The following ANKS1B variants were observed in gnomAD, a reference collection of about 807,000 sequenced individuals.
The protein encoded by ANKS1B is ankyrin repeat and sterile alpha motif domain-containing protein 1B.
In ANKS1B, 36 loss-of-function variants were observed where a neutral mutation model predicts 148.3. The ratio of observed to expected loss-of-function variants is 0.24; its 90% confidence interval spans 0.19 to 0.32. The LOEUF (loss-of-function observed/expected upper bound fraction) is 0.32, where lower values mean the gene tolerates loss of function less well. ANKS1B is among the 10% of genes least tolerant of loss of function. ANKS1B has a pLI of 1.00. For missense variants in ANKS1B, 1,157 were observed against 1,542.6 expected (o/e 0.75, Z 4.19); for synonymous variants, 542 against 560.8 (o/e 0.97, Z 0.47).
At chr12:99,463,997 T>TCCCTGAC (rs1219282308) in intron 10 of ANKS1B, among the ~76,000 whole-genome samples, 7 of 152,076 alleles carry the variant, frequency 4.6e-5, no homozygotes, top group Non-Finnish European at 1.0e-4. Flanking sequence ...CCCAAGTGGG[T>TCCCTGAC]CCCTGACCCC....
rs888889503 is a variant in ANKS1B, at chr12:99,806,764, A to G, written c.373-64T>C. ...TTCAATTTGTTATCAAAATCTTAAC[A>G]CAGTAATTTAAAACCTGCAATGCTT... On this transcript the variant is annotated intron_variant, in intron 3 of 26. Transcript: ENST00000683438. 1.0e-5 allele frequency: 15 copies of G among 1,472,084 alleles called. No individual in the cohort carries two copies. The African/African-American group carries it at 1.7e-4, about 16-fold the overall frequency. 91.2% of individuals were successfully genotyped at this position (1,472,084 alleles called of 1,614,324 possible). A position where few individuals can be genotyped will look rare whatever the true frequency, so the allele number is the denominator to read the frequency against.
At chr12:98,920,271 G>C (rs1282625620) in intron 17 of ANKS1B, among the ~76,000 whole-genome samples, 5 of 152,232 alleles carry the variant, frequency 3.3e-5, no homozygotes, top group Admixed American at 3.3e-4. Context: ...TGGGCACCTT[G>C]ATCTGGATCA....
At chr12:99,933,812 G>A (rs964789224) in intron 1 of ANKS1B, among the ~76,000 whole-genome samples, 2 of 151,992 alleles carry the variant, frequency 1.3e-5, no homozygotes, top group African/African-American at 4.8e-5. Context: ...TCTTTGTCTT[G>A]TTCTAGATTT....
At chr12:99,235,544 A>T (rs1240187120) in intron 14 of ANKS1B, among the ~76,000 whole-genome samples, 5 of 152,184 alleles carry the variant, frequency 3.3e-5, no homozygotes, top group Non-Finnish European at 5.9e-5. Flanking sequence ...GGCCTGAAAG[A>T]ATTACGTGGC....
intron 25 of ANKS1B, among the ~76,000 whole-genome samples, chr12:98,768,720 C>G (rs1417742637): frequency 7.2e-6 from 1 of 138,364 alleles, no homozygotes; most frequent in Non-Finnish European, 1.5e-5. Flanking sequence ...GGCGACAGAG[C>G]GAGACTCCAT....
intron 1 of ANKS1B, among the ~76,000 whole-genome samples, chr12:99,926,528 G>C (rs1363623916): frequency 6.6e-6 from 1 of 152,158 alleles, no homozygotes; most frequent in African/African-American, 2.4e-5. Context: ...TGAAACATCA[G>C]CTCTTCCTGG....
intron 8 of ANKS1B, among the ~76,000 whole-genome samples, chr12:99,673,826 GGTT>G (rs1158402330): frequency 6.6e-6 from 1 of 151,382 alleles, no homozygotes; most frequent in African/African-American, 2.4e-5. Context: ...TATAGAATAT[GGTT>G]ATTAATATGG....
chr12:99,401,137 C>G (rs1338872325), intron 11 of ANKS1B, among the ~76,000 whole-genome samples: 1 of 146,024 alleles, frequency 6.8e-6, no homozygotes, highest in East Asian at 1.9e-4. Context: ...TATGACACAT[C>G]AACTCAGTAA....
chr12:99,395,765 C>T (rs1329618850), intron 12 of ANKS1B, among the ~76,000 whole-genome samples: 2 of 152,034 alleles, frequency 1.3e-5, no homozygotes, highest in Non-Finnish European at 1.5e-5. Context: ...TTTTAAATGG[C>T]CCTCTGTTAT....
chr12:98,963,423 C>G (rs560323482), intron 17 of ANKS1B, among the ~76,000 whole-genome samples: 2 of 152,260 alleles, frequency 1.3e-5, no homozygotes, highest in African/African-American at 4.8e-5. Context: ...AGTGAGCCAC[C>G]TGCTATGGCC....
At chr12:99,716,630 T>C (rs917631267) in intron 8 of ANKS1B, among the ~76,000 whole-genome samples, 1 of 152,128 alleles carries the variant, frequency 6.6e-6, no homozygotes, top group East Asian at 1.9e-4. Flanking sequence ...CTACGAGATC[T>C]AAATAATTCT....
intron 17 of ANKS1B, among the ~76,000 whole-genome samples, chr12:98,878,599 G>A (rs555573625): frequency 4.6e-5 from 7 of 152,144 alleles, no homozygotes; most frequent in South Asian, 2.1e-4. Context: ...GGTAATAAAC[G>A]TGTGGGGAAG....
chr12:98,821,733 G>A (rs1005002610), intron 19 of ANKS1B, among the ~76,000 whole-genome samples: 18 of 151,920 alleles, frequency 1.2e-4, no homozygotes, highest in Non-Finnish European at 1.8e-4. Flanking sequence ...TCAGCCTCCC[G>A]AGTAGCTGGG....
chr12:99,731,857 G>C lies in ANKS1B; in HGVS notation c.1128+41065C>G, dbSNP rs2059193288. On this transcript the variant is annotated intron_variant, in intron 8 of 26. Transcript: ENST00000683438. ...TAAAGTTTGTCCTTTAAAAGATACT[G>C]TTTGAAAAATTAAAAGGCAAGCCAA... Among the ~76,000 whole-genome samples, 4 of 152,122 alleles carry C rather than the reference G, an allele frequency of 2.6e-5. No homozygotes were observed. In the South Asian group the frequency reaches 8.3e-4, roughly 32 times the overall value.
At chr12:99,546,348 C>T (rs896635050) in intron 9 of ANKS1B, among the ~76,000 whole-genome samples, 2 of 152,090 alleles carry the variant, frequency 1.3e-5, no homozygotes, top group Non-Finnish European at 2.9e-5. Context: ...AACTGGCTTA[C>T]CATTTTAAGA....
At chr12:99,409,830 A>C (rs1046260895) in intron 11 of ANKS1B, among the ~76,000 whole-genome samples, 6 of 152,350 alleles carry the variant, frequency 3.9e-5, no homozygotes, top group Non-Finnish European at 7.4e-5. Context: ...AATTGCACTC[A>C]GCCATTCAGT....
chr12:99,126,933 A>AACCGATC (rs1159911095), intron 15 of ANKS1B, among the ~76,000 whole-genome samples: 4 of 152,176 alleles, frequency 2.6e-5, no homozygotes, highest in Non-Finnish European at 5.9e-5. Context: ...AACATTTTGG[A>AACCGATC]AAAAATGGAA....
At chr12:99,368,592 T>C (rs1046807910) in intron 12 of ANKS1B, among the ~76,000 whole-genome samples, 4 of 152,184 alleles carry the variant, frequency 2.6e-5, no homozygotes, top group Admixed American at 1.3e-4. Flanking sequence ...CAGTAAGTAT[T>C]ATATATGCAT....
chr12:98,837,183 A>AT (rs2099372489), intron 17 of ANKS1B, among the ~76,000 whole-genome samples: 1 of 151,046 alleles, frequency 6.6e-6, no homozygotes. Flanking sequence ...TACAAAAAAA[A>AT]AAAATTAGCC....
Sources: gnomAD v4.1 joint callset for allele counts (sites outside exome capture counted in the v4.1 genomes callset) on GRCh38, gnomAD v4.1.1 for gene constraint, MANE v1.5 for transcripts, NCBI Gene and HGNC (gene_info 2026-07-23, HGNC 2026-07-21) for gene names.